AHCTF1: variants seen among roughly 807,000 people sequenced by gnomAD.
AHCTF1 encodes AT-hook containing transcription factor 1.
In AHCTF1, 24 loss-of-function variants were observed where a neutral mutation model predicts 248.4. The ratio of observed to expected loss-of-function variants is 0.10; its 90% CI spans 0.07 to 0.14. The LOEUF (loss-of-function observed/expected upper bound fraction) is 0.14, where lower values mean the gene tolerates loss of function less well. Among genes scored for constraint, AHCTF1 ranks in the 10% least tolerant of loss-of-function variants. The pLI is 1.00. For missense variants in AHCTF1, 2,206 were observed against 2,636.2 expected (o/e 0.84, Z 3.57); for synonymous variants, 786 against 929.8 (o/e 0.85, Z 2.81).
intron 1 of AHCTF1, among the ~76,000 whole-genome samples, chr1:246,928,845 C>T (rs1386152615): frequency 2.6e-5 from 4 of 152,132 alleles, no homozygotes; most frequent in Admixed American, 1.3e-4. Context: ...TGTAAACTAC[C>T]AGTGGACCCA....
rs1429234822 is a variant in AHCTF1, at chr1:246,883,715, A to G, written c.2660+1778T>C. ...GAATACAAGCTATCTCACAAATAGC[A>G]TTTTGAGTGGTTGTTTTTATTTCTG... On this transcript the variant is annotated intron_variant, in intron 21 of 35. Transcript: ENST00000648844. 3.3e-5 allele frequency among the ~76,000 whole-genome samples: 5 copies of G among 152,222 alleles called. No individual in the cohort carries two copies. The East Asian group carries it at 7.7e-4, about 23-fold the overall frequency.
At chr1:246,929,496 T>C (rs1019113196) in intron 1 of AHCTF1, among the ~76,000 whole-genome samples, 9 of 152,122 alleles carry the variant, frequency 5.9e-5, no homozygotes, top group South Asian at 4.1e-4. Context: ...AAAGGAAAGA[T>C]GGCACTCCAG....
At chr1:246,871,372 C>T (rs1043033515) in intron 24 of AHCTF1, among the ~76,000 whole-genome samples, 1 of 152,224 alleles carries the variant, frequency 6.6e-6, no homozygotes, top group African/African-American at 2.4e-5. Flanking sequence ...CAGATCCTTA[C>T]TTAACCCTGC....
At chr1:246,895,647 A>C (rs1664521692) in intron 13 of AHCTF1, among the ~76,000 whole-genome samples, 188 bp downstream of exon 13, 1 of 152,142 alleles carries the variant, frequency 6.6e-6, no homozygotes, top group African/African-American at 2.4e-5. Flanking sequence ...GACTGTACTA[A>C]AGGTTTGTCA....
At chr1:246,842,594 T>A (rs1020114847) in intron 35 of AHCTF1, 100 bp downstream of exon 35, 3 of 932,372 alleles carry the variant, frequency 3.2e-6, no homozygotes, top group African/African-American at 1.8e-5. Flanking sequence ...AAAAAATAAA[T>A]AAAAATAAAA....
rs1486736411 is a variant in AHCTF1 at position 246,853,077 on chromosome 1, T to C, written c.4563+14A>G. On this transcript the variant is annotated intron_variant, in intron 32 of 35. Coordinates refer to ENST00000648844, the MANE Select transcript of AHCTF1 (RefSeq NM_001323342.2). ...GAAAGACTGATAAAGAAGTAAAAAA[T>C]TAATTTTTTTTACATGAATTTCTTG... The C allele has an allele frequency of 5.0e-6, 8 of 1,596,280 alleles. No individual in the cohort carries two copies. Among genetic ancestry groups the C allele is most frequent in the African/African-American group, 1.4e-5 (1 of 73,796 alleles).
At chr1:246,930,193 C>T (rs1195817697) in intron 1 of AHCTF1, among the ~76,000 whole-genome samples, 2 of 152,120 alleles carry the variant, frequency 1.3e-5, no homozygotes, top group African/African-American at 2.4e-5. Context: ...CTGAGTGCAG[C>T]GGCGCGATCC....
intron 2 of AHCTF1, among the ~76,000 whole-genome samples, chr1:246,917,001 A>G (rs1378467648): frequency 6.6e-6 from 1 of 152,224 alleles, no homozygotes; most frequent in African/African-American, 2.4e-5. Context: ...TTCTCCGCCT[A>G]TTAGTCATGT....
intron 34 of AHCTF1, among the ~76,000 whole-genome samples, 170 bp downstream of exon 34, chr1:246,843,625 C>T (rs932512988): frequency 3.2e-4 from 49 of 151,942 alleles, no homozygotes; most frequent in African/African-American, 1.0e-3. Flanking sequence ...GGGGTGGATA[C>T]GACCATTTTT....
chr1:246,896,042 A>G, intron 12 of AHCTF1, 117 bp from the exon 13 acceptor site: 1 of 699,702 alleles, frequency 1.4e-6, no homozygotes, highest in South Asian at 1.9e-5. Flanking sequence ...ATGACCCATA[A>G]GAAGGGCTAT....
chr1:246,857,217 C>CTTA (rs1035045943), intron 30 of AHCTF1, among the ~76,000 whole-genome samples: 23 of 152,150 alleles, frequency 1.5e-4, no homozygotes, highest in African/African-American at 5.1e-4. Context: ...AATACGTCAT[C>CTTA]TGGTAAAGTG....
Position 246,864,253 on chromosome 1 carries a change from A to C in AHCTF1, c.3348-137T>G. The C allele has an allele frequency of 3.4e-6, 3 of 884,534 alleles. No individual in the cohort carries two copies. In the East Asian group the frequency reaches 8.1e-5, roughly 24 times the overall value. 54.8% of individuals were successfully genotyped at this position (884,534 alleles called of 1,614,324 possible). On this transcript the variant is annotated intron_variant, in intron 26 of 35. Coordinates refer to ENST00000648844, the MANE Select transcript of AHCTF1 (RefSeq NM_001323342.2). ...ACAGTCAAGTATATTAATGTAATCC[A>C]AAGTGCTACCATGCATTCAAAAAGT...
chr1:246,870,318 A>G (rs1046475910), intron 24 of AHCTF1, among the ~76,000 whole-genome samples: 21 of 152,278 alleles, frequency 1.4e-4, no homozygotes, highest in African/African-American at 4.8e-4. Context: ...AGCCACTCGG[A>G]AAGCTGAGGC....
At chr1:246,918,572 G>C (rs923088819) in intron 1 of AHCTF1, among the ~76,000 whole-genome samples, 195 bp from the exon 2 acceptor site, 3 of 152,366 alleles carry the variant, frequency 2.0e-5, no homozygotes, top group Admixed American at 6.5e-5. Flanking sequence ...TGAGGCAGGC[G>C]GATGAACTGA....
In AHCTF1 at chr1:246,928,036, G is replaced by A. The variant is rs138785134; in HGVS notation, c.-8+3542C>T. Among the ~76,000 whole-genome samples, 439 of 151,816 alleles carry A rather than the reference G, an allele frequency of 2.9e-3. 4 individuals are homozygous for A. Among genetic ancestry groups the A allele is most frequent in the African/African-American group, 9.9e-3 (411 of 41,394 alleles). On this transcript the variant is annotated intron_variant, in intron 1 of 35. Transcript: ENST00000648844. ...TAATTAATTAAATTAAATACTGTTC[G>A]GCCGGGTGCGGTGGCTCACGCCTGT...
Position 246,876,987 on chromosome 1 carries a change from G to A in AHCTF1, c.2900C>T (p.Ala967Val). The A allele has an allele frequency of 6.2e-7, 1 of 1,611,998 alleles. No homozygotes were observed. The highest frequency in any genetic ancestry group is 8.5e-7 in the Non-Finnish European group (1 of 1,179,884). Residue 967 changes from alanine to valine, a missense_variant, in exon 23 of 36, where the codon GCC becomes GTC. Ala to Val is a moderately conservative substitution (Grantham distance 64). Coordinates refer to ENST00000648844, the MANE Select transcript of AHCTF1 (RefSeq NM_001323342.2). ...HHLQRANYVP[A>V]LKLNQTLKIN... ...CTTCAGAGTTTGGTTCAGCTTCAAG[G>A]CAGGCACATAATTGGCACGCTGCAA...
At chr1:246,874,873 T>C (rs1455885792) in intron 24 of AHCTF1, among the ~76,000 whole-genome samples, 1 of 152,204 alleles carries the variant, frequency 6.6e-6, no homozygotes, top group African/African-American at 2.4e-5. Flanking sequence ...AGTGACATAC[T>C]TCTAGGGGGA....
chr1:246,921,579 T>A (rs1044346907), intron 1 of AHCTF1, among the ~76,000 whole-genome samples: 1 of 152,038 alleles, frequency 6.6e-6, no homozygotes, highest in African/African-American at 2.4e-5. Context: ...CCCAAAAATA[T>A]AGTACTAATA....
Position 246,849,682 on chromosome 1 carries a change from C to A in AHCTF1, c.6324G>T (p.Pro2108=), listed in dbSNP as rs761900985. 6.2e-7 allele frequency: 1 copy of A among 1,613,912 alleles called. No individual in the cohort carries two copies. The highest frequency in any genetic ancestry group is 8.5e-7 in the Non-Finnish European group (1 of 1,179,850). ...RTRSSKAILL[P]DLSEPNNEPL... is the part of the protein sequence containing the mutation. ...GCTCATTGTTTGGTTCAGAAAGGTC[C>A]GGCAACAAGATGGCCTTGCTAGACC... The change falls in exon 33 of 36, where the codon CCG becomes CCT. Residue 2108 remains proline, a synonymous_variant. Transcript: ENST00000648844.
Sources: allele counts gnomAD v4.1 joint callset (sites outside exome capture counted in the v4.1 genomes callset), GRCh38; gene constraint gnomAD v4.1.1; transcripts MANE v1.5; gene names NCBI Gene and HGNC (gene_info 2026-07-23, HGNC 2026-07-21).